The following CDK17 variants were observed in gnomAD, a reference collection of about 807,000 sequenced individuals.
CDK17 encodes the protein cyclin-dependent kinase 17.
Under a neutral mutation model 77.6 loss-of-function variants are expected in CDK17, and 24 were observed. That is an observed-to-expected ratio of 0.31 (90% CI 0.22 to 0.44). CDK17 has a LOEUF of 0.44. Ranked by LOEUF, CDK17 falls within the 20% of genes least tolerant of loss-of-function variation. The pLI is 1.00. For missense variants in CDK17, 429 were observed against 622.5 expected, an observed-to-expected ratio of 0.69 and a Z score of 3.31; for synonymous variants, 203 against 210.4, an observed-to-expected ratio of 0.96 and a Z score of 0.30.
At position 96,291,771 on chromosome 12, in the gene CDK17, A is replaced by C. The variant is rs140541817; in HGVS notation, c.998-2484T>G. Among the ~76,000 whole-genome samples the C allele has an allele frequency of 3.6e-3, 548 of 151,872 alleles. 4 individuals carry two copies. The highest frequency in any genetic ancestry group is 0.013 in the African/African-American group (525 of 41,408). On this transcript the variant is annotated intron_variant, in intron 10 of 16. Transcript: ENST00000261211. ...ATAGCTGGGATTACAGGTGTCCGCCACAATGCCCAGCTAACTTTTCTATTT... is the reference window on the plus strand; with the variant it reads ...ATAGCTGGGATTACAGGTGTCCGCCCCAATGCCCAGCTAACTTTTCTATTT...
intron 1 of CDK17, among the ~76,000 whole-genome samples, chr12:96,348,013 C>A (rs1953250222): frequency 6.6e-6 from 1 of 151,888 alleles, no homozygotes. Context: ...AAAACAAAAA[C>A]ACAACATACA....
intron 1 of CDK17, among the ~76,000 whole-genome samples, chr12:96,341,318 T>TACACACACACAC (rs10656968): frequency 2.9e-4 from 43 of 148,802 alleles, no homozygotes; most frequent in Middle Eastern, 3.5e-3. Flanking sequence ...ATCATATACA[T>TACACACACACAC]ACACACACAC....
At chr12:96,384,622 C>G (rs1953941379) in intron 1 of CDK17, among the ~76,000 whole-genome samples, 1 of 152,190 alleles carries the variant, frequency 6.6e-6, no homozygotes, top group Non-Finnish European at 1.5e-5. Flanking sequence ...ATGGATGCAG[C>G]TGGAGACCAT....
intron 6 of CDK17, among the ~76,000 whole-genome samples, chr12:96,300,072 A>G (rs71460339): frequency 0.052 from 7,885 of 152,280 alleles, 269 homozygotes; most frequent in Non-Finnish European, 0.064. Context: ...TTCTGCTTCA[A>G]TAAAAATTTC....
rs115500634 is a variant in CDK17, at chr12:96,370,722, C to T, written c.-30+29264G>A. Reference sequence around the variant, plus strand: ...AAAGGCAAAAGCAGATGTGTGAATCCGGCTGTTTTCTATTTAGCTTGAAAT... The same window carrying T: ...AAAGGCAAAAGCAGATGTGTGAATCTGGCTGTTTTCTATTTAGCTTGAAAT... On this transcript the variant is annotated intron_variant, in intron 1 of 16. Transcript: ENST00000261211. 2.8e-3 allele frequency among the ~76,000 whole-genome samples: 428 copies of T among 152,166 alleles called. 3 individuals carry two copies. The highest frequency in any genetic ancestry group is 9.8e-3 in the African/African-American group (406 of 41,520).
intron 5 of CDK17, among the ~76,000 whole-genome samples, chr12:96,301,754 C>T (rs1175723939): frequency 6.6e-6 from 1 of 152,064 alleles, no homozygotes; most frequent in Non-Finnish European, 1.5e-5. Context: ...TCTAAATACG[C>T]AATTTTCCTT....
chr12:96,347,712 A>T (rs1953243939), intron 1 of CDK17, among the ~76,000 whole-genome samples: 1 of 151,960 alleles, frequency 6.6e-6, no homozygotes, highest in Non-Finnish European at 1.5e-5. Flanking sequence ...GACCTATCAG[A>T]TATACATAGT....
chr12:96,289,952 C>T (rs1263938203), intron 10 of CDK17, among the ~76,000 whole-genome samples: 1 of 152,044 alleles, frequency 6.6e-6, no homozygotes, highest in East Asian at 1.9e-4. Context: ...CTTTTAGCTT[C>T]CCTGGGCTAC....
intron 5 of CDK17, among the ~76,000 whole-genome samples, chr12:96,310,739 A>C (rs190808981): frequency 6.7e-6 from 1 of 150,314 alleles, no homozygotes; most frequent in Non-Finnish European, 1.5e-5. Flanking sequence ...ATATTAATAC[A>C]TGTTTATTTA....
intron 3 of CDK17, among the ~76,000 whole-genome samples, chr12:96,316,684 C>G (rs1952726943): frequency 7.9e-6 from 1 of 127,182 alleles, no homozygotes; most frequent in African/African-American, 2.9e-5. Flanking sequence ...GAGGCACCCC[C>G]CAGCAGGGGC....
intron 8 of CDK17, 97 bp downstream of exon 8, chr12:96,297,530 G>C: frequency 1.1e-6 from 1 of 896,450 alleles, no homozygotes; most frequent in Non-Finnish European, 1.8e-6. Context: ...GCTAAGCACA[G>C]CTGCAGTTTA....
chr12:96,355,398 G>GTTTTTTTTTTTTTT lies in CDK17; in HGVS notation c.-29-20547_-29-20534dup, dbSNP rs58937020. On this transcript the variant is annotated intron_variant, in intron 1 of 16. Transcript: ENST00000261211. ...CTTGCTGTCTAACATTCTACATTGG[G>GTTTTTTTTTTTTTT]TTTTTTTTTTTTTTTTTTTTTTTGG... Among the ~76,000 whole-genome samples, 6 of 72,476 alleles carry GTTTTTTTTTTTTTT rather than the reference G, an allele frequency of 8.3e-5. 3 individuals are homozygous for GTTTTTTTTTTTTTT. Among genetic ancestry groups the GTTTTTTTTTTTTTT allele is most frequent in the Non-Finnish European group, 4.8e-5 (2 of 41,828 alleles). 47.5% of individuals were successfully genotyped at this position (72,476 alleles called of 152,430 possible). A position where few individuals can be genotyped will look rare whatever the true frequency, so the allele number is the denominator to read the frequency against.
At chr12:96,306,131 G>A (rs988848300) in intron 5 of CDK17, among the ~76,000 whole-genome samples, 3 of 152,156 alleles carry the variant, frequency 2.0e-5, no homozygotes, top group Admixed American at 6.5e-5. Context: ...GGATCTATGC[G>A]AGATTGATGA....
chr12:96,343,503 G>T (rs765855335), intron 1 of CDK17, among the ~76,000 whole-genome samples: 5 of 152,198 alleles, frequency 3.3e-5, no homozygotes, highest in Admixed American at 6.5e-5. Flanking sequence ...CCTTTATTTA[G>T]GCCCTCTGGG....
intron 3 of CDK17, among the ~76,000 whole-genome samples, chr12:96,315,490 G>GTGAT (rs1952698607): frequency 6.6e-6 from 1 of 152,148 alleles, no homozygotes; most frequent in African/African-American, 2.4e-5. Context: ...TAATGTATTG[G>GTGAT]TGATTGATTC....
rs935356657 is a variant in CDK17, at chr12:96,400,055, C to G, written c.-99G>C. On this transcript the variant is annotated 5_prime_UTR_variant, in exon 1 of 17. Transcript: ENST00000261211. ...GCGCGGGGGGAAGCTGCTCCGCGGA[C>G]GCCCGCGGCGACCGGATGCAAGTCC... 2.6e-6 allele frequency: 1 copy of G among 387,976 alleles called. No homozygotes were observed. The highest frequency in any genetic ancestry group is 4.6e-6 in the Non-Finnish European group (1 of 219,572). The allele number at this position is 387,976 out of a possible 1,614,324, so 24.0% of individuals were successfully genotyped here. A position where few individuals can be genotyped will look rare whatever the true frequency, so the allele number is the denominator to read the frequency against.
At position 96,280,894 on chromosome 12, in the gene CDK17, C is replaced by T. The variant is rs1182757632; in HGVS notation, c.1457-9G>A. The T allele has an allele frequency of 2.5e-6, 4 of 1,605,562 alleles. No homozygotes were observed. Among genetic ancestry groups the T allele is most frequent in the Admixed American group, 3.4e-5 (2 of 58,536 alleles). ...ACTGAATATTGATACACCTAAAATG[C>T]ATAGACAAAAATTATTAGGTGAAGG... is the stretch of plus-strand genomic sequence containing the variant. On this transcript the variant is annotated splice_polypyrimidine_tract_variant and intron_variant, in intron 15 of 16. Transcript: ENST00000261211.
At chr12:96,322,699 C>T (rs991580889) in intron 3 of CDK17, among the ~76,000 whole-genome samples, 44 of 152,194 alleles carry the variant, frequency 2.9e-4, no homozygotes, top group African/African-American at 9.4e-4. Flanking sequence ...AAAATAACGC[C>T]GGTGGCATAG....
In CDK17 at chr12:96,282,989, C is replaced by CT. The variant is rs376931587; in HGVS notation, c.1366-391dup. 4.6e-3 allele frequency among the ~76,000 whole-genome samples: 675 copies of CT among 148,200 alleles called. 4 individuals carry two copies. The highest frequency in any genetic ancestry group is 0.015 in the African/African-American group (615 of 40,634). The stretch of plus-strand genomic sequence containing the variant: ...AACGACCTATCCAATACTCATTTCC[C>CT]TTTTTTTTTTGATGATACAACCTAG... On this transcript the variant is annotated intron_variant, in intron 14 of 16. Transcript: ENST00000261211.
Sources: allele counts gnomAD v4.1 joint callset (sites outside exome capture counted in the v4.1 genomes callset), GRCh38; gene constraint gnomAD v4.1.1; transcripts MANE v1.5; gene names NCBI Gene and HGNC (gene_info 2026-07-23, HGNC 2026-07-21).